The following PDS5A variants were observed in gnomAD, a reference collection of about 807,000 sequenced individuals.
PDS5A encodes the protein sister chromatid cohesion protein PDS5 homolog A.
Under a neutral mutation model 167.1 loss-of-function variants are expected in PDS5A, and 42 were observed. The ratio of observed to expected loss-of-function variants is 0.25; its 90% CI spans 0.20 to 0.33. The LOEUF (loss-of-function observed/expected upper bound fraction) is 0.33, where lower values mean the gene tolerates loss of function less well. Among genes scored for constraint, PDS5A ranks in the 10% least tolerant of loss-of-function variants. The pLI is 1.00. For synonymous variants in PDS5A, 553 were observed against 554.6 expected (o/e 1.00, Z 0.04); for missense variants, 1,033 against 1,605.9 (o/e 0.64, Z 6.10).
At chr4:39,879,311 A>G (rs930133604) in intron 18 of PDS5A, among the ~76,000 whole-genome samples, 2 of 152,018 alleles carry the variant, frequency 1.3e-5, no homozygotes, top group Admixed American at 1.3e-4. Flanking sequence ...ATCATTCCCC[A>G]AAGCACCCCT....
chr4:39,856,005 A>C (rs1391489189), intron 26 of PDS5A, among the ~76,000 whole-genome samples: 1 of 152,208 alleles, frequency 6.6e-6, no homozygotes, highest in Non-Finnish European at 1.5e-5. Flanking sequence ...AGCAGGATGA[A>C]ATCTGAAACC....
chr4:39,888,544 A>C (rs767095350), intron 17 of PDS5A, among the ~76,000 whole-genome samples: 4 of 152,114 alleles, frequency 2.6e-5, no homozygotes, highest in Non-Finnish European at 5.9e-5. Flanking sequence ...GAATGAACCT[A>C]AGTGCACATC....
intron 15 of PDS5A, 85 bp from the exon 16 acceptor site, chr4:39,898,613 T>C (rs1419379889): frequency 9.0e-6 from 9 of 997,886 alleles, no homozygotes; most frequent in Admixed American, 6.2e-5. Flanking sequence ...CATCAAAATA[T>C]TGCGGAGCCA....
chr4:39,911,604 G>A (rs772562481), intron 9 of PDS5A, among the ~76,000 whole-genome samples: 1 of 151,774 alleles, frequency 6.6e-6, no homozygotes, highest in Non-Finnish European at 1.5e-5. Flanking sequence ...AGGCCGAGGC[G>A]GGCAAATCAC....
In PDS5A at chr4:39,866,947, G is replaced by A; in HGVS notation, c.2556C>T (p.Asn852=). The change falls in exon 23 of 33, where the codon AAC becomes AAT. Residue 852 remains asparagine (N), a synonymous_variant. Transcript: ENST00000303538. ...LVRWLLGMKN[N]QSKSANSTLR... is the part of the protein sequence containing the mutation. Reference sequence around the variant, plus strand: ...GGGTTGAATTGGCAGATTTAGACTGGTTGTTTTTCATACCCAACAGCCACC... The same window carrying A: ...GGGTTGAATTGGCAGATTTAGACTGATTGTTTTTCATACCCAACAGCCACC... The A allele has an allele frequency of 6.2e-7, 1 of 1,612,284 alleles. No individual in the cohort carries two copies. Among genetic ancestry groups the A allele is most frequent in the Non-Finnish European group, 8.5e-7 (1 of 1,178,904 alleles).
chr4:39,963,372 T>C (rs1433483199), intron 2 of PDS5A, among the ~76,000 whole-genome samples: 10 of 151,772 alleles, frequency 6.6e-5, no homozygotes, highest in Admixed American at 6.6e-4. Flanking sequence ...GGCAGGAGAA[T>C]CGCCTGAACC....
At chr4:39,904,503 T>A (rs1723146558) in intron 11 of PDS5A, among the ~76,000 whole-genome samples, 1 of 152,046 alleles carries the variant, frequency 6.6e-6, no homozygotes, top group African/African-American at 2.4e-5. Flanking sequence ...CCCGGCTAAT[T>A]TTTTATTTTT....
intron 2 of PDS5A, among the ~76,000 whole-genome samples, chr4:39,955,023 G>A (rs1728795660): frequency 6.6e-6 from 1 of 152,010 alleles, no homozygotes; most frequent in Non-Finnish European, 1.5e-5. Flanking sequence ...CAGCCTGGGT[G>A]ACAGAGCGAG....
At chr4:39,851,273 A>AC (rs1163714355) in intron 26 of PDS5A, among the ~76,000 whole-genome samples, 1 of 151,792 alleles carries the variant, frequency 6.6e-6, no homozygotes, top group Admixed American at 6.6e-5. Flanking sequence ...AAAAATCGTC[A>AC]CCATTATATA....
Position 39,967,755 on chromosome 4 carries a change from C to T in PDS5A, c.138+8685G>A, listed in dbSNP as rs566416523. On this transcript the variant is annotated intron_variant, in intron 2 of 32. Coordinates refer to ENST00000303538, the MANE Select transcript of PDS5A (RefSeq NM_001100399.2). ...CAGGCAGATTATGAGGTCAGGAGTT[C>T]GAGACCAGCCTGGCCAACATGGTGA... 7.9e-5 allele frequency among the ~76,000 whole-genome samples: 12 copies of T among 151,972 alleles called. No individual in the cohort carries two copies. In the South Asian group the frequency reaches 2.1e-3, roughly 26 times the overall value.
chr4:39,881,027 C>G (rs75219020), intron 17 of PDS5A, among the ~76,000 whole-genome samples: 5,665 of 150,948 alleles, frequency 0.038, 329 homozygotes, highest in African/African-American at 0.13. Flanking sequence ...TTTTTTTTAG[C>G]TTCCACCTAC....
At chr4:39,961,630 G>A (rs949209769) in intron 2 of PDS5A, among the ~76,000 whole-genome samples, 3 of 152,186 alleles carry the variant, frequency 2.0e-5, no homozygotes, top group Admixed American at 6.5e-5. Flanking sequence ...CAGAGCTCAA[G>A]TGATCCTCTT....
intron 5 of PDS5A, among the ~76,000 whole-genome samples, chr4:39,924,376 T>C (rs1161520442): frequency 6.6e-6 from 1 of 152,250 alleles, no homozygotes; most frequent in Non-Finnish European, 1.5e-5. Flanking sequence ...GGTTTATATG[T>C]TCTATCATTT....
intron 6 of PDS5A, among the ~76,000 whole-genome samples, chr4:39,921,020 T>C (rs1334712527): frequency 6.6e-6 from 1 of 152,216 alleles, no homozygotes; most frequent in Non-Finnish European, 1.5e-5. Context: ...GAATAATACC[T>C]ATTAACATTG....
At position 39,928,142 on chromosome 4, in the gene PDS5A, T is replaced by C; in HGVS notation, c.161A>G (p.Asp54Gly). 3.1e-6 allele frequency: 5 copies of C among 1,609,534 alleles called. No homozygotes were observed. Among genetic ancestry groups the C allele is most frequent in the South Asian group, 1.1e-5 (1 of 90,636 alleles). Reference protein sequence around the residue: ...RLKMVVKTFMDMDQDSEDEKQ... With the variant: ...RLKMVVKTFMGMDQDSEDEKQ... ...TTCATCTTCTGAGTCCTGATCCATA[T>C]CCATAAAGGTTTTCACTACCATCTG... The change falls in exon 3 of 33, where the codon GAT becomes GGT. Residue 54 changes from aspartate to glycine, a missense_variant. This residue lies in a region of PDS5A where 388 missense variants were observed against 615.1 expected (regional missense o/e 0.63). Coordinates refer to ENST00000303538, the MANE Select transcript of PDS5A (RefSeq NM_001100399.2).
At chr4:39,966,891 C>G (rs979864333) in intron 2 of PDS5A, among the ~76,000 whole-genome samples, 3 of 91,986 alleles carry the variant, frequency 3.3e-5, no homozygotes, top group Non-Finnish European at 8.0e-5. Context: ...CCCAGTTACT[C>G]GGGAGGCTGA....
At chr4:39,840,504 T>C (rs1023019686) in intron 31 of PDS5A, among the ~76,000 whole-genome samples, 2 of 152,154 alleles carry the variant, frequency 1.3e-5, no homozygotes, top group African/African-American at 4.8e-5. Flanking sequence ...CAAGCAGTTC[T>C]CCTGCCTCAG....
chr4:39,874,554 T>C (rs1311852802), intron 19 of PDS5A, 142 bp from the exon 20 acceptor site: 2 of 647,832 alleles, frequency 3.1e-6, no homozygotes, highest in African/African-American at 3.6e-5. Flanking sequence ...AAGAAAGTTG[T>C]AAAAAAGCTC....
At chr4:39,832,299 C>T (rs898109682) in intron 32 of PDS5A, among the ~76,000 whole-genome samples, 4 of 151,458 alleles carry the variant, frequency 2.6e-5, no homozygotes, top group Non-Finnish European at 5.9e-5. Context: ...CTGCAAGCTC[C>T]GCCCCCTGGG....
Sources: gnomAD v4.1 joint callset for allele counts (sites outside exome capture counted in the v4.1 genomes callset) on GRCh38, gnomAD v4.1.1 for gene constraint, gnomAD v4.1.1 regional missense constraint, MANE v1.5 for transcripts, NCBI Gene and HGNC (gene_info 2026-07-23, HGNC 2026-07-21) for gene names.